SLC25A17: variants seen among roughly 807,000 people sequenced by gnomAD.
SLC25A17 encodes peroxisomal membrane protein PMP34.
Under a neutral mutation model 38.5 loss-of-function variants are expected in SLC25A17, and 26 were observed. The observed-to-expected ratio is 0.68, with a 90% CI of 0.50 to 0.94. SLC25A17 has a LOEUF of 0.94. Among genes scored for constraint, SLC25A17 ranks in the 40% least tolerant of loss-of-function variants. The pLI is 0.00. For synonymous variants in SLC25A17, 139 were observed against 136.2 expected (o/e 1.02, Z -0.14); for missense variants, 333 against 372.7 (o/e 0.89, Z 0.88).
At chr22:40,804,633 G>T (rs995794346) in intron 1 of SLC25A17, among the ~76,000 whole-genome samples, 1 of 152,106 alleles carries the variant, frequency 6.6e-6, no homozygotes, top group African/African-American at 2.4e-5. Context: ...TTAACCTCTT[G>T]TCAGATGCAT....
chr22:40,812,899 A>C (rs1011522449), intron 1 of SLC25A17, among the ~76,000 whole-genome samples: 1 of 152,144 alleles, frequency 6.6e-6, no homozygotes, highest in Non-Finnish European at 1.5e-5. Context: ...AATTTTTAAA[A>C]ACCACCTAAG....
chr22:40,819,108 C>A, intron 1 of SLC25A17, 87 bp downstream of exon 1: 1 of 1,431,092 alleles, frequency 7.0e-7, no homozygotes, highest in South Asian at 1.2e-5. Flanking sequence ...ACCTCCCTCT[C>A]AGACCCATCC....
chr22:40,778,102 G>C (rs2057262902), intron 5 of SLC25A17, among the ~76,000 whole-genome samples: 1 of 152,190 alleles, frequency 6.6e-6, no homozygotes, highest in Non-Finnish European at 1.5e-5. Context: ...AAAGATTGAT[G>C]TATGGGAAAG....
intron 4 of SLC25A17, 145 bp from the exon 5 acceptor site, chr22:40,779,270 A>G (rs2145652694): frequency 1.3e-6 from 2 of 1,512,448 alleles, no homozygotes; most frequent in Admixed American, 2.0e-5. Flanking sequence ...TCTTTGTGCC[A>G]GGGTACAACA....
chr22:40,770,929 T>C lies in SLC25A17; in HGVS notation c.829A>G (p.Thr277Ala). Residue 277 changes from threonine (T) to alanine (A), a missense_variant, in exon 9 of 9, where the codon ACA becomes GCA. Physicochemically the swap from Thr to Ala is moderately conservative, Grantham distance 58. Transcript: ENST00000435456. ...AACATGAGAGCAGCAGTGAGGACTG[T>C]CTGCAGCAGTTTGGCTTCAAGGCCT... is the stretch of plus-strand genomic sequence containing the variant. ...YKGLEAKLLQ[T>A]VLTAALMFLV... 1.9e-6 allele frequency: 3 copies of C among 1,612,384 alleles called. No individual in the cohort carries two copies. The highest frequency in any genetic ancestry group is 1.1e-5 in the South Asian group (1 of 90,926).
intron 4 of SLC25A17, among the ~76,000 whole-genome samples, chr22:40,780,968 A>T (rs565662450): frequency 5.1e-4 from 78 of 152,128 alleles, no homozygotes; most frequent in African/African-American, 1.9e-3. Context: ...CTAGGAGTTC[A>T]ATAGCAGCCT....
intron 1 of SLC25A17, among the ~76,000 whole-genome samples, chr22:40,803,778 G>A (rs2057504255): frequency 6.7e-6 from 1 of 150,066 alleles, no homozygotes; most frequent in African/African-American, 2.5e-5. Flanking sequence ...GTGTGCAAGA[G>A]TTCCCTTTTC....
At chr22:40,812,011 TTC>T (rs2057586501) in intron 1 of SLC25A17, among the ~76,000 whole-genome samples, 1 of 152,044 alleles carries the variant, frequency 6.6e-6, no homozygotes, top group Admixed American at 6.6e-5. Flanking sequence ...ACACCTGGAT[TTC>T]TTTCTTTTTC....
chr22:40,815,724 C>T (rs922032168), intron 1 of SLC25A17, among the ~76,000 whole-genome samples: 1 of 152,176 alleles, frequency 6.6e-6, no homozygotes, highest in South Asian at 2.1e-4. Context: ...GTTATTGTCC[C>T]TGTTTTATAG....
chr22:40,782,728 C>A (rs988994829), intron 4 of SLC25A17, among the ~76,000 whole-genome samples: 2 of 152,174 alleles, frequency 1.3e-5, no homozygotes, highest in African/African-American at 4.8e-5. Flanking sequence ...ACCTGTCTTG[C>A]CAGATTTAAG....
chr22:40,816,246 T>C (rs1025447352), intron 1 of SLC25A17, among the ~76,000 whole-genome samples: 1 of 147,990 alleles, frequency 6.8e-6, no homozygotes, highest in African/African-American at 2.5e-5. Context: ...AAGAGAAAAA[T>C]AGGCAACAAG....
intron 2 of SLC25A17, among the ~76,000 whole-genome samples, chr22:40,795,666 T>A (rs1245038912): frequency 6.6e-6 from 1 of 152,258 alleles, no homozygotes; most frequent in Non-Finnish European, 1.5e-5. Flanking sequence ...TTTCTCATTT[T>A]AGCATCTTAT....
chr22:40,784,784 CA>C (rs71200616), intron 4 of SLC25A17, among the ~76,000 whole-genome samples: 36,744 of 98,368 alleles, frequency 0.37, 4,225 homozygotes, highest in Admixed American at 0.48. Context: ...TCAACAACAA[CA>C]AAAAAAAAAA....
At chr22:40,794,489 G>A (rs746534963) in intron 3 of SLC25A17, 25 bp downstream of exon 3, 7 of 1,502,994 alleles carry the variant, frequency 4.7e-6, no homozygotes, top group South Asian at 1.1e-5. Context: ...TTGCTTTAAC[G>A]AAGGTGAACT....
chr22:40,812,691 G>C (rs1332857398), intron 1 of SLC25A17, among the ~76,000 whole-genome samples: 1 of 152,126 alleles, frequency 6.6e-6, no homozygotes, highest in Non-Finnish European at 1.5e-5. Context: ...TCCTGATTTA[G>C]AACACTGCAT....
intron 1 of SLC25A17, among the ~76,000 whole-genome samples, chr22:40,808,570 A>G (rs1351465042): frequency 2.0e-5 from 3 of 152,264 alleles, no homozygotes; most frequent in African/African-American, 7.2e-5. Context: ...TCAAACAACT[A>G]ATTCTTAAGA....
At chr22:40,811,937 C>T (rs1302986103) in intron 1 of SLC25A17, among the ~76,000 whole-genome samples, 2 of 151,870 alleles carry the variant, frequency 1.3e-5, no homozygotes, top group Non-Finnish European at 2.9e-5. Context: ...GTCACATAAA[C>T]GATTTTTAGC....
At chr22:40,781,069 G>A (rs562766983) in intron 4 of SLC25A17, among the ~76,000 whole-genome samples, 5 of 152,094 alleles carry the variant, frequency 3.3e-5, no homozygotes, top group African/African-American at 1.2e-4. Flanking sequence ...TACTCAAGAG[G>A]CTGAAGTGGG....
chr22:40,781,492 G>A (rs1602593606), intron 4 of SLC25A17, among the ~76,000 whole-genome samples: 1 of 151,990 alleles, frequency 6.6e-6, no homozygotes, highest in Non-Finnish European at 1.5e-5. Flanking sequence ...TGATCCGCCC[G>A]CCTCGGCCTC....
Sources: gnomAD v4.1 joint callset for allele counts (sites outside exome capture counted in the v4.1 genomes callset) on GRCh38, gnomAD v4.1.1 for gene constraint, MANE v1.5 for transcripts, NCBI Gene and HGNC (gene_info 2026-07-23, HGNC 2026-07-21) for gene names.